The following TRIM33 variants were observed in gnomAD, a reference collection of about 807,000 sequenced individuals.
TRIM33 encodes tripartite motif containing 33.
TRIM33 carries 20 observed loss-of-function variants against 125.4 expected under a neutral mutation model. The observed-to-expected ratio is 0.16, with a 90% CI of 0.11 to 0.23. TRIM33 has a LOEUF of 0.23. Among genes scored for constraint, TRIM33 ranks in the 10% least tolerant of loss-of-function variants. The pLI is 1.00. For missense variants in TRIM33, 920 were observed against 1,411.4 expected (o/e 0.65, Z 5.58); for synonymous variants, 564 against 513.9 (o/e 1.10, Z -1.32).
intron 1 of TRIM33, among the ~76,000 whole-genome samples, chr1:114,481,129 C>T (rs144711522): frequency 0.013 from 1,938 of 152,010 alleles, 63 homozygotes; most frequent in Admixed American, 0.076. Flanking sequence ...GCCAAGATCA[C>T]GCCACTGCAC....
intron 2 of TRIM33, among the ~76,000 whole-genome samples, 172 bp downstream of exon 2, chr1:114,464,098 G>A (rs1650150800): frequency 6.6e-6 from 1 of 152,098 alleles, no homozygotes; most frequent in Non-Finnish European, 1.5e-5. Context: ...AATAGCTTTA[G>A]TCTCATTTAA....
chr1:114,459,349 G>A (rs527532396), intron 4 of TRIM33, among the ~76,000 whole-genome samples: 2 of 152,310 alleles, frequency 1.3e-5, no homozygotes, highest in African/African-American at 4.8e-5. Context: ...AAGGGTTGGA[G>A]AGCTTCCAGG....
At chr1:114,487,128 A>G (rs1651748218) in intron 1 of TRIM33, among the ~76,000 whole-genome samples, 1 of 151,986 alleles carries the variant, frequency 6.6e-6, no homozygotes, top group African/African-American at 2.4e-5. Flanking sequence ...ATGACTGAAA[A>G]TGTCCCAAAT....
rs1232674181 is a variant in TRIM33 at position 114,510,773 on chromosome 1, C to T, written c.304G>A (p.Ala102Thr). The change falls in exon 1 of 20, where the codon GCC (alanine) becomes ACC (threonine). Residue 102 changes from alanine to threonine, a missense_variant. By Grantham distance (58) the Ala-to-Thr change is moderately conservative. Coordinates refer to ENST00000358465, the MANE Select transcript of TRIM33 (RefSeq NM_015906.4). ...GAGGGACCCGGAGCGGGAGCCGAGG[C>T]TGGAGCTGGAGCCGGCGTCGATACT... Reference protein sequence around the residue: ...GAVSTPAPAPASAPAPGPSAG... With the variant: ...GAVSTPAPAPTSAPAPGPSAG... 6.6e-7 allele frequency: 1 copy of T among 1,519,484 alleles called. No individual in the cohort carries two copies. Among genetic ancestry groups the T allele is most frequent in the Non-Finnish European group, 8.8e-7 (1 of 1,139,510 alleles). The allele number at this position is 1,519,484 out of a possible 1,614,324, so 94.1% of individuals were successfully genotyped here.
chr1:114,418,643 T>C (rs905450329), intron 11 of TRIM33, among the ~76,000 whole-genome samples: 1 of 152,190 alleles, frequency 6.6e-6, no homozygotes, highest in African/African-American at 2.4e-5. Context: ...GAGGTCATAA[T>C]ATAGACAACT....
chr1:114,406,036 G>A (rs186623343), intron 14 of TRIM33, among the ~76,000 whole-genome samples: 1 of 152,256 alleles, frequency 6.6e-6, no homozygotes, highest in Non-Finnish European at 1.5e-5. Flanking sequence ...AGTGAGCATA[G>A]GGTTATACTT....
At chr1:114,468,465 G>T in intron 1 of TRIM33, 1 of 356,978 alleles carries the variant, frequency 2.8e-6, no homozygotes, top group South Asian at 2.4e-5. Context: ...GCCAACTGGG[G>T]ACAAAGAATT....
chr1:114,498,999 G>C (rs979221048), intron 1 of TRIM33, among the ~76,000 whole-genome samples: 1 of 152,214 alleles, frequency 6.6e-6, no homozygotes, highest in African/African-American at 2.4e-5. Context: ...AAGATAAAAA[G>C]ATCTCAAGAA....
intron 1 of TRIM33, among the ~76,000 whole-genome samples, chr1:114,471,170 T>A (rs1029658205): frequency 7.9e-5 from 12 of 152,194 alleles, no homozygotes; most frequent in Non-Finnish European, 4.4e-5. Context: ...CAAATCAGAC[T>A]GGGCATGGTG....
At chr1:114,465,436 C>T (rs1305215710) in intron 1 of TRIM33, among the ~76,000 whole-genome samples, 1 of 152,136 alleles carries the variant, frequency 6.6e-6, no homozygotes, top group Non-Finnish European at 1.5e-5. Context: ...TAAACCAAGT[C>T]CCCATGAGTT....
At chr1:114,414,562 A>G (rs1213939656) in intron 11 of TRIM33, among the ~76,000 whole-genome samples, 1 of 152,216 alleles carries the variant, frequency 6.6e-6, no homozygotes, top group Non-Finnish European at 1.5e-5. Flanking sequence ...CAGGTTTCAA[A>G]GAGGCTTTAA....
intron 4 of TRIM33, among the ~76,000 whole-genome samples, chr1:114,453,757 G>A (rs531186965): frequency 1.3e-5 from 2 of 152,252 alleles, no homozygotes; most frequent in African/African-American, 4.8e-5. Context: ...CCATGTGGCT[G>A]GTGAACCACA....
At chr1:114,414,027 G>GCGCA (rs1353374378) in intron 11 of TRIM33, among the ~76,000 whole-genome samples, 7 of 130,684 alleles carry the variant, frequency 5.4e-5, no homozygotes, top group Middle Eastern at 3.7e-3. Context: ...TAAATCACAG[G>GCGCA]CACACACACA....
At chr1:114,403,545 A>AT (rs1204686185) in intron 15 of TRIM33, among the ~76,000 whole-genome samples, 10 of 150,860 alleles carry the variant, frequency 6.6e-5, no homozygotes, top group Admixed American at 4.0e-4. Context: ...AGATTTTTCT[A>AT]TTTTTTTTGA....
In TRIM33 at chr1:114,405,404, T is replaced by C. The variant is rs1212329596; in HGVS notation, c.2768+6A>G. ...CAACACCAAAAATCAATTATTTCAC[T>C]GGTACCTTGGAAAGCTAAGTAGTGT... On this transcript the variant is annotated splice_donor_region_variant and intron_variant, in intron 15 of 19. Coordinates refer to ENST00000358465, the MANE Select transcript of TRIM33 (RefSeq NM_015906.4). 12 of 1,586,288 alleles carry C rather than the reference T, an allele frequency of 7.6e-6. No homozygotes were observed. The East Asian group carries it at 2.0e-4, about 27-fold the overall frequency.
intron 1 of TRIM33, among the ~76,000 whole-genome samples, chr1:114,475,410 G>A (rs1231230375): frequency 1.3e-5 from 2 of 152,128 alleles, no homozygotes; most frequent in African/African-American, 2.4e-5. Flanking sequence ...GGCTAGGCGC[G>A]GTGGCCCATG....
chr1:114,467,276 T>C (rs1448818668), intron 1 of TRIM33, among the ~76,000 whole-genome samples: 1 of 152,156 alleles, frequency 6.6e-6, no homozygotes, highest in Admixed American at 6.5e-5. Context: ...AGGAAACAAA[T>C]TAGAAATTCT....
intron 4 of TRIM33, among the ~76,000 whole-genome samples, chr1:114,457,651 T>C (rs529084547): frequency 9.8e-5 from 15 of 152,322 alleles, no homozygotes; most frequent in African/African-American, 3.6e-4. Flanking sequence ...AGGCTGACTT[T>C]GAAACTACCT....
In TRIM33 at chr1:114,397,839, C is replaced by A. The variant is rs748272280; in HGVS notation, c.3193G>T (p.Ala1065Ser). Reference sequence around the variant, plus strand: ...AAGTACAATGCAACTGCTTTCCCTGCCTGAGCTACTTCTGAATCAGCCTGC... The same window carrying A: ...AAGTACAATGCAACTGCTTTCCCTGACTGAGCTACTTCTGAATCAGCCTGC... The part of the protein sequence containing the change: ...NLKADSEVAQ[A>S]GKAVALYFED... The change falls in exon 20 of 20, where the codon GCA becomes TCA. Residue 1065 changes from alanine (A) to serine (S), a missense_variant. By Grantham distance (99) the Ala-to-Ser change is moderately conservative. Around this residue, in one of 8 missense-constraint regions of TRIM33, gnomAD observed 122 missense variants for 236.8 expected, o/e 0.52. Coordinates refer to ENST00000358465, the MANE Select transcript of TRIM33 (RefSeq NM_015906.4). The A allele has an allele frequency of 2.5e-6, 4 of 1,613,786 alleles. No individual in the cohort carries two copies. Among genetic ancestry groups the A allele is most frequent in the South Asian group, 2.2e-5 (2 of 91,070 alleles).
Sources: gnomAD v4.1 joint callset for allele counts (sites outside exome capture counted in the v4.1 genomes callset) on GRCh38, gnomAD v4.1.1 for gene constraint, gnomAD v4.1.1 regional missense constraint, MANE v1.5 for transcripts, NCBI Gene and HGNC (gene_info 2026-07-23, HGNC 2026-07-21) for gene names.